Variants in MINDY4B observed in about 807,000 individuals in gnomAD.
The protein encoded by MINDY4B is inactive ubiquitin carboxyl-terminal hydrolase MINDY-4B.
MINDY4B carries 25 observed loss-of-function variants against 16.7 expected under a neutral mutation model. The ratio of observed to expected loss-of-function variants is 1.49; its 90% confidence interval spans 1.09 to 2.09. MINDY4B has a LOEUF of 2.09. Among genes scored for constraint, MINDY4B ranks in the 30% most tolerant of loss-of-function variants. The probability of loss-of-function intolerance (pLI) is 0.00; values close to 1 mark genes in which losing one functional copy is unlikely to be tolerated. For missense variants in MINDY4B, 327 were observed against 168.4 expected, an observed-to-expected ratio of 1.94 and a Z score of -5.21; for synonymous variants, 132 against 61.9, an observed-to-expected ratio of 2.13 and a Z score of -5.32.
chr3:150,874,324 G>A (rs1717041984), intron 10 of MINDY4B, among the ~76,000 whole-genome samples: 1 of 152,166 alleles, frequency 6.6e-6, no homozygotes, highest in African/African-American at 2.4e-5. Flanking sequence ...CTTATAGCTA[G>A]TGAATGAGAT....
intron 10 of MINDY4B, among the ~76,000 whole-genome samples, 195 bp from the exon 11 acceptor site, chr3:150,873,562 A>G (rs975877221): frequency 5.9e-5 from 9 of 152,236 alleles, no homozygotes; most frequent in Non-Finnish European, 1.0e-4. Flanking sequence ...ATGATCTGGT[A>G]TAGTGGTGCT....
chr3:150,895,570 T>C (rs1486607382), intron 3 of MINDY4B, among the ~76,000 whole-genome samples: 1 of 152,218 alleles, frequency 6.6e-6, no homozygotes, highest in East Asian at 1.9e-4. Context: ...GTTCAAGTGA[T>C]TCTCCTGCCT....
At chr3:150,876,313 T>G (rs1711497176) in intron 10 of MINDY4B, among the ~76,000 whole-genome samples, 1 of 152,222 alleles carries the variant, frequency 6.6e-6, no homozygotes, top group South Asian at 2.1e-4. Context: ...TGTAATTCTT[T>G]TTTTTTATGC....
At chr3:150,895,261 C>A (rs1455703328) in intron 3 of MINDY4B, among the ~76,000 whole-genome samples, 7 of 152,160 alleles carry the variant, frequency 4.6e-5, no homozygotes, top group Admixed American at 4.6e-4. Flanking sequence ...TCTCTTAACA[C>A]CTGCCCTACT....
chr3:150,889,926 C>G (rs1181889031), intron 7 of MINDY4B, among the ~76,000 whole-genome samples: 2 of 152,172 alleles, frequency 1.3e-5, no homozygotes, highest in African/African-American at 4.8e-5. Flanking sequence ...AAGCCAATTA[C>G]TTGGAGTCAA....
intron 10 of MINDY4B, among the ~76,000 whole-genome samples, chr3:150,880,305 C>CTGTGTGTGTGTG (rs60659488): frequency 0.012 from 1,803 of 149,840 alleles, 38 homozygotes; most frequent in African/African-American, 0.042. Flanking sequence ...AGGTTCCCAT[C>CTGTGTGTGTGTG]TGTGTGTGTG....
chr3:150,872,797 G>C (rs1297475320), intron 11 of MINDY4B, among the ~76,000 whole-genome samples: 1 of 152,178 alleles, frequency 6.6e-6, no homozygotes, highest in Non-Finnish European at 1.5e-5. Context: ...TCTGATGTTT[G>C]GTTGTGAGAT....
chr3:150,891,486 G>C (rs868565136), intron 5 of MINDY4B, among the ~76,000 whole-genome samples: 43 of 127,198 alleles, frequency 3.4e-4, no homozygotes, highest in Middle Eastern at 4.7e-3. Context: ...AAAAGGTCAG[G>C]CACCGTGGCT....
chr3:150,873,800 C>G (rs1398835048), intron 10 of MINDY4B, among the ~76,000 whole-genome samples: 1 of 152,090 alleles, frequency 6.6e-6, no homozygotes, highest in Non-Finnish European at 1.5e-5. Flanking sequence ...GGTGGTAAGA[C>G]TTCTGGCAAC....
chr3:150,900,576 A>G (rs1712090904), intron 3 of MINDY4B, among the ~76,000 whole-genome samples: 1 of 152,218 alleles, frequency 6.6e-6, no homozygotes, highest in South Asian at 2.1e-4. Context: ...AATTAATGCT[A>G]CTGCTATTTA....
At position 150,882,591 on chromosome 3, in the gene MINDY4B, T is replaced by C. The variant is rs1295864279; in HGVS notation, c.1059+306A>G. ...ATATATATATATATATATATATATA[T>C]ATTTGTCAACCTCATTAAACAGGGA... On this transcript the variant is annotated intron_variant, in intron 10 of 11. Transcript: ENST00000465419. Among the ~76,000 whole-genome samples, 8 of 150,450 alleles carry C rather than the reference T, an allele frequency of 5.3e-5. 1 individual carries two copies. The East Asian group carries it at 1.4e-3, about 26-fold the overall frequency.
At chr3:150,882,546 T>TTG (rs1711538121) in intron 10 of MINDY4B, among the ~76,000 whole-genome samples, 1 of 150,156 alleles carries the variant, frequency 6.7e-6, no homozygotes, top group Non-Finnish European at 1.5e-5. Flanking sequence ...GACTTTTCCT[T>TTG]TGTGTATGTG....
At chr3:150,872,289 A>T (rs1716989235) in intron 11 of MINDY4B, among the ~76,000 whole-genome samples, 1 of 152,238 alleles carries the variant, frequency 6.6e-6, no homozygotes, top group South Asian at 2.1e-4. Context: ...GTTAAGATGT[A>T]TTTCTCATAA....
At position 150,895,497 on chromosome 3, in the gene MINDY4B, G is replaced by A. The variant is rs370668593; in HGVS notation, c.310-1192C>T. 2.9e-4 allele frequency among the ~76,000 whole-genome samples: 44 copies of A among 152,086 alleles called. No individual in the cohort carries two copies. In the East Asian group the frequency reaches 3.9e-3, roughly 13 times the overall value. On this transcript the variant is annotated intron_variant, in intron 3 of 11. Coordinates refer to ENST00000465419, the MANE Select transcript of MINDY4B (RefSeq NM_001351281.2). ...TTGTTTTGTTTTGAGACAGAGTCTC[G>A]CTCTGCTGCCCAGGCTGGAGTACGC... is the stretch of plus-strand genomic sequence containing the variant.
chr3:150,894,498 G>A (rs146535997), intron 3 of MINDY4B, among the ~76,000 whole-genome samples, 193 bp from the exon 4 acceptor site: 266 of 152,252 alleles, frequency 1.7e-3, no homozygotes, highest in African/African-American at 6.2e-3. Context: ...TTTGTCCCTC[G>A]TGTCTCTCCT....
chr3:150,900,644 T>A (rs757218697), intron 3 of MINDY4B, among the ~76,000 whole-genome samples: 3 of 152,160 alleles, frequency 2.0e-5, no homozygotes, highest in Non-Finnish European at 4.4e-5. Context: ...TATTTTTTTT[T>A]AAAGAAAAAT....
Position 150,901,262 on chromosome 3 carries a change from G to A in MINDY4B, c.309+1987C>T, listed in dbSNP as rs569345546. On this transcript the variant is annotated intron_variant, in intron 3 of 11. Transcript: ENST00000465419. Reference sequence around the variant, plus strand: ...ACTTCTGGTCTATACCACAGTGTAGGCAGCAGAATCACTGAGGGCTGGGGG... The same window carrying A: ...ACTTCTGGTCTATACCACAGTGTAGACAGCAGAATCACTGAGGGCTGGGGG... The A allele has an allele frequency of 3.3e-5, 5 of 152,284 alleles. No individual in the cohort carries two copies. In the South Asian group the frequency reaches 1.0e-3, roughly 32 times the overall value. The allele number at this position is 152,284 out of a possible 1,614,324, so 9.4% of individuals were successfully genotyped here. A position where few individuals can be genotyped will look rare whatever the true frequency, so the allele number is the denominator to read the frequency against.
chr3:150,890,491 A>C, intron 6 of MINDY4B, 106 bp from the exon 7 acceptor site: 1 of 493,034 alleles, frequency 2.0e-6, no homozygotes, highest in Non-Finnish European at 3.6e-6. Context: ...GTTTCATTGC[A>C]TAATCACATT....
At chr3:150,899,206 T>C (rs1435529862) in intron 3 of MINDY4B, among the ~76,000 whole-genome samples, 1 of 152,224 alleles carries the variant, frequency 6.6e-6, no homozygotes, top group Non-Finnish European at 1.5e-5. Flanking sequence ...ACTAGAGGCC[T>C]AGGTCAGCTA....
Sources: allele counts gnomAD v4.1 joint callset (sites outside exome capture counted in the v4.1 genomes callset), GRCh38; gene constraint gnomAD v4.1.1; transcripts MANE v1.5; gene names NCBI Gene and HGNC (gene_info 2026-07-23, HGNC 2026-07-21).